Variants in CAMKMT observed in about 807,000 individuals in gnomAD.
CAMKMT encodes the protein calmodulin-lysine N-methyltransferase, also known as CaM KMT.
Under a neutral mutation model 48.0 loss-of-function variants are expected in CAMKMT, and 53 were observed. That is an observed-to-expected ratio of 1.10 (90% CI 0.89 to 1.39). The LOEUF is 1.39. Ranked by LOEUF, CAMKMT falls within the 40% of genes most tolerant of loss-of-function variation. CAMKMT has a pLI of 0.00. For synonymous variants in CAMKMT, 165 were observed against 152.3 expected, an observed-to-expected ratio of 1.08 and a Z score of -0.61; for missense variants, 428 against 402.7, an observed-to-expected ratio of 1.06 and a Z score of -0.54.
In CAMKMT at chr2:44,653,076, G is replaced by A. The variant is rs962559830; in HGVS notation, c.377-51207G>A. 6.6e-6 allele frequency among the ~76,000 whole-genome samples: 1 copy of A among 152,082 alleles called. No homozygotes were observed. Among genetic ancestry groups the A allele is most frequent in the Non-Finnish European group, 1.5e-5 (1 of 68,010 alleles). ...ACATCCTGGTCAAATCTGGTCACTT[G>A]GCATATTCTGATTCCTCCCAGGACA... On this transcript the variant is annotated intron_variant, in intron 3 of 10. Transcript: ENST00000378494. The surrounding 1 kb of genome is among the most constrained non-coding windows in gnomAD (Gnocchi z 5.2).
intron 2 of CAMKMT, among the ~76,000 whole-genome samples, chr2:44,387,492 C>T (rs905774615): frequency 2.0e-5 from 3 of 151,992 alleles, no homozygotes; most frequent in African/African-American, 7.2e-5. Flanking sequence ...TTAAGTGGAG[C>T]GTTTAGGCTA....
At chr2:44,759,802 G>GAGAATACCAAGACATGAGGT (rs1250818600) in intron 9 of CAMKMT, among the ~76,000 whole-genome samples, 1 of 152,222 alleles carries the variant, frequency 6.6e-6, no homozygotes, top group Non-Finnish European at 1.5e-5. Flanking sequence ...GTGCTTAGCA[G>GAGAATACCAAGACATGAGGT]AGAATACCAA....
intron 3 of CAMKMT, among the ~76,000 whole-genome samples, chr2:44,567,083 T>C (rs1668654970): frequency 6.6e-6 from 1 of 152,140 alleles, no homozygotes; most frequent in African/African-American, 2.4e-5. Context: ...AGTTATCAGT[T>C]GACCAAGGGA....
intron 3 of CAMKMT, among the ~76,000 whole-genome samples, chr2:44,441,317 T>A (rs947317799): frequency 6.6e-6 from 1 of 152,188 alleles, no homozygotes; most frequent in Non-Finnish European, 1.5e-5. Flanking sequence ...AACTAATAAT[T>A]TGCCTAAATC....
intron 7 of CAMKMT, among the ~76,000 whole-genome samples, chr2:44,737,373 G>A (rs996595844): frequency 3.9e-5 from 6 of 152,020 alleles, no homozygotes; most frequent in African/African-American, 7.2e-5. Context: ...CACCTTGACC[G>A]CCCAAAGTGT....
At chr2:44,767,965 C>A (rs533492627) in intron 10 of CAMKMT, among the ~76,000 whole-genome samples, 5 of 152,152 alleles carry the variant, frequency 3.3e-5, no homozygotes, top group Non-Finnish European at 7.4e-5. Context: ...GGTTTCTCCA[C>A]CAGCAAAGAC....
At chr2:44,581,269 T>G (rs1284937674) in intron 3 of CAMKMT, among the ~76,000 whole-genome samples, 2 of 152,202 alleles carry the variant, frequency 1.3e-5, no homozygotes, top group African/African-American at 2.4e-5. Context: ...ATATAGCTGT[T>G]TATCATGTGC....
At chr2:44,763,302 G>A (rs1182757254) in intron 9 of CAMKMT, among the ~76,000 whole-genome samples, 1 of 152,202 alleles carries the variant, frequency 6.6e-6, no homozygotes, top group Non-Finnish European at 1.5e-5. Flanking sequence ...GTTGTGCACA[G>A]AATGCTGCTC....
intron 6 of CAMKMT, 56 bp from the exon 7 acceptor site, chr2:44,715,230 CT>C (rs1205367946): frequency 8.9e-4 from 969 of 1,087,562 alleles, no homozygotes; most frequent in South Asian, 1.2e-3. Flanking sequence ...GTTTCTGGAC[CT>C]TTTTTTTTGG....
chr2:44,540,836 A>G (rs1451464042), intron 3 of CAMKMT, among the ~76,000 whole-genome samples: 1 of 152,220 alleles, frequency 6.6e-6, no homozygotes, highest in African/African-American at 2.4e-5. Context: ...GGACAAAGCT[A>G]AAAAAATTTA....
chr2:44,373,755 A>T (rs1313544740), intron 2 of CAMKMT, among the ~76,000 whole-genome samples: 2 of 152,174 alleles, frequency 1.3e-5, no homozygotes, highest in Non-Finnish European at 2.9e-5. Context: ...AATAGCTAAA[A>T]ATTGGGATTT....
intron 3 of CAMKMT, among the ~76,000 whole-genome samples, chr2:44,669,849 G>T (rs1350459701): frequency 6.6e-6 from 1 of 152,016 alleles, no homozygotes; most frequent in African/African-American, 2.4e-5. Context: ...TGTTGCCCAG[G>T]CTGGTCTCGA....
intron 3 of CAMKMT, among the ~76,000 whole-genome samples, chr2:44,469,921 C>A (rs1288460959): frequency 1.3e-5 from 2 of 150,954 alleles, no homozygotes; most frequent in Non-Finnish European, 3.0e-5. Flanking sequence ...CACCTTATTT[C>A]TGGGTTTTCT....
rs1041992048 is a variant in CAMKMT, at chr2:44,598,284, T to G, written c.377-105999T>G. On this transcript the variant is annotated intron_variant, in intron 3 of 10. Coordinates refer to ENST00000378494, the MANE Select transcript of CAMKMT (RefSeq NM_024766.5). Reference sequence around the variant, plus strand: ...GTTCATGGACCCCCTGAATTCTTTCTATGAATCCTAAGAACCTCTGCCTTC... The same window carrying G: ...GTTCATGGACCCCCTGAATTCTTTCGATGAATCCTAAGAACCTCTGCCTTC... 2.6e-5 allele frequency among the ~76,000 whole-genome samples: 4 copies of G among 152,108 alleles called. No individual in the cohort carries two copies. In the South Asian group the frequency reaches 8.3e-4, roughly 32 times the overall value.
chr2:44,723,599 A>AATAC (rs796244793), intron 7 of CAMKMT: 76 of 104,782 alleles, frequency 7.3e-4, no homozygotes, highest in East Asian at 1.1e-3. Context: ...AAAATAAATA[A>AATAC]ATACATACAT....
chr2:44,650,334 C>T (rs985728405), intron 3 of CAMKMT, among the ~76,000 whole-genome samples: 8 of 152,110 alleles, frequency 5.3e-5, no homozygotes, highest in East Asian at 1.9e-4. Flanking sequence ...TCATATTGGA[C>T]GAGGGGCCCA....
intron 3 of CAMKMT, among the ~76,000 whole-genome samples, chr2:44,577,851 C>A (rs1669318217): frequency 6.6e-6 from 1 of 152,162 alleles, no homozygotes; most frequent in Non-Finnish European, 1.5e-5. Flanking sequence ...CCCTTATCTT[C>A]TACTAGTTTT....
At chr2:44,446,903 T>A (rs1280237582) in intron 3 of CAMKMT, among the ~76,000 whole-genome samples, 2 of 152,246 alleles carry the variant, frequency 1.3e-5, no homozygotes, top group Non-Finnish European at 2.9e-5. Flanking sequence ...CATACACATG[T>A]TATGATTTAC....
At chr2:44,459,186 A>G (rs1446632174) in intron 3 of CAMKMT, among the ~76,000 whole-genome samples, 4 of 152,190 alleles carry the variant, frequency 2.6e-5, no homozygotes, top group Non-Finnish European at 4.4e-5. Context: ...TTCATAGAAC[A>G]TAGTTTTGAA....
Sources: gnomAD v4.1 joint callset for allele counts (sites outside exome capture counted in the v4.1 genomes callset) on GRCh38, gnomAD v4.1.1 for gene constraint, Gnocchi (gnomAD v3.1) non-coding constraint, MANE v1.5 for transcripts, NCBI Gene and HGNC (gene_info 2026-07-23, HGNC 2026-07-21) for gene names.